Variants in TENM4 observed in about 807,000 individuals in gnomAD.
The protein encoded by TENM4 is teneurin transmembrane protein 4.
A neutral mutation model predicts 243.3 loss-of-function variants in TENM4; 82 were observed. The ratio of observed to expected loss-of-function variants is 0.34; its 90% confidence interval spans 0.28 to 0.40. The LOEUF is 0.40. Among genes scored for constraint, TENM4 ranks in the 10% least tolerant of loss-of-function variants. The pLI, the probability that TENM4 is intolerant of heterozygous loss-of-function variation, is 1.00. For missense variants in TENM4, 3,138 were observed against 3,673.3 expected, an observed-to-expected ratio of 0.85 and a Z score of 3.77; for synonymous variants, 1,412 against 1,456.3, an observed-to-expected ratio of 0.97 and a Z score of 0.69.
intron 6 of TENM4, among the ~76,000 whole-genome samples, chr11:78,967,957 A>G (rs1199192243): frequency 6.6e-6 from 1 of 152,224 alleles, no homozygotes; most frequent in Non-Finnish European, 1.5e-5. Flanking sequence ...TCCAAATCTC[A>G]TGTTGGAATG....
At chr11:78,982,157 G>T (rs1857811770) in intron 6 of TENM4, among the ~76,000 whole-genome samples, 1 of 152,126 alleles carries the variant, frequency 6.6e-6, no homozygotes, top group East Asian at 1.9e-4. Flanking sequence ...TCCCTCCAAG[G>T]AAATGCCACT....
At chr11:79,050,890 T>C (rs1183269006) in intron 6 of TENM4, among the ~76,000 whole-genome samples, 2 of 152,120 alleles carry the variant, frequency 1.3e-5, no homozygotes, top group Non-Finnish European at 2.9e-5. Flanking sequence ...GACTGGAGCC[T>C]TTTCACACTT....
rs59312385 is a variant in TENM4, at chr11:79,063,681, G to A, written c.493+1057C>T. Among the ~76,000 whole-genome samples, 1,495 of 152,302 alleles carry A rather than the reference G, an allele frequency of 9.8e-3. 46 individuals are homozygous for A. In the East Asian group the frequency reaches 0.098, roughly 10 times the overall value. Reference sequence around the variant, plus strand: ...GGCAATAGTCTCCACGCAGGACCACGTTCGACTCAGAGCCCCTCAGAATTC... The same window carrying A: ...GGCAATAGTCTCCACGCAGGACCACATTCGACTCAGAGCCCCTCAGAATTC... On this transcript the variant is annotated intron_variant, in intron 6 of 33. Transcript: ENST00000278550.
At chr11:79,431,750 C>T (rs575125320) in intron 1 of TENM4, among the ~76,000 whole-genome samples, 13 of 152,316 alleles carry the variant, frequency 8.5e-5, no homozygotes, top group South Asian at 4.2e-4. Context: ...ACATTCAGTA[C>T]GTGGCATACC....
intron 6 of TENM4, among the ~76,000 whole-genome samples, chr11:78,946,121 T>C (rs57713140): frequency 0.084 from 12,716 of 152,244 alleles, 971 homozygotes; most frequent in East Asian, 0.22. Context: ...GAAGAAGATG[T>C]CATCTAGGAC....
At chr11:79,420,699 G>T (rs1858913290) in intron 1 of TENM4, among the ~76,000 whole-genome samples, 2 of 151,884 alleles carry the variant, frequency 1.3e-5, no homozygotes, top group Admixed American at 6.6e-5. Flanking sequence ...GTGGGGGATG[G>T]TTATTTGCTC....
intron 3 of TENM4, among the ~76,000 whole-genome samples, chr11:79,155,356 T>C (rs1394869344): frequency 7.3e-6 from 1 of 136,968 alleles, no homozygotes; most frequent in Non-Finnish European, 1.6e-5. Flanking sequence ...TCTCTCTCTC[T>C]TTTTTTTTTT....
At chr11:79,100,531 C>T (rs996738829) in intron 4 of TENM4, among the ~76,000 whole-genome samples, 3 of 152,158 alleles carry the variant, frequency 2.0e-5, no homozygotes, top group Non-Finnish European at 4.4e-5. Context: ...AGGACTGAGG[C>T]CTGCCCTCGA....
chr11:78,841,970 G>A (rs777898639), intron 12 of TENM4, among the ~76,000 whole-genome samples: 26 of 152,200 alleles, frequency 1.7e-4, no homozygotes, highest in Non-Finnish European at 3.1e-4. Flanking sequence ...TCTTCTGAAC[G>A]TTGGGGCTCC....
intron 17 of TENM4, among the ~76,000 whole-genome samples, chr11:78,773,789 C>T (rs911651757): frequency 5.9e-5 from 9 of 152,228 alleles, no homozygotes; most frequent in African/African-American, 1.9e-4. Flanking sequence ...GGTTTAGATG[C>T]TTCAGGACAG....
At chr11:79,194,697 T>C (rs543304335) in intron 3 of TENM4, among the ~76,000 whole-genome samples, 2 of 152,194 alleles carry the variant, frequency 1.3e-5, no homozygotes, top group Non-Finnish European at 2.9e-5. Context: ...ACTTGGGTAC[T>C]GTTAAAGGCA....
At chr11:79,245,938 T>TAAAAAAAAAAA (rs1199883938) in intron 2 of TENM4, among the ~76,000 whole-genome samples, 165 of 64,332 alleles carry the variant, frequency 2.6e-3, no homozygotes, top group Non-Finnish European at 3.2e-3. Context: ...AGACTTTGTC[T>TAAAAAAAAAAA]AAAAAAAAAA....
At chr11:79,232,827 G>T (rs1864396422) in intron 2 of TENM4, among the ~76,000 whole-genome samples, 1 of 152,206 alleles carries the variant, frequency 6.6e-6, no homozygotes, top group South Asian at 2.1e-4. Flanking sequence ...TGGAACCTGG[G>T]CAAAAGCTCA....
chr11:79,418,182 C>T (rs996971357), intron 1 of TENM4, among the ~76,000 whole-genome samples: 6 of 152,096 alleles, frequency 3.9e-5, no homozygotes, highest in South Asian at 2.1e-4. Context: ...CTATTCTAGC[C>T]GCATTTCAAG....
chr11:79,316,261 A>T (rs1033571936), intron 1 of TENM4, among the ~76,000 whole-genome samples: 1 of 152,184 alleles, frequency 6.6e-6, no homozygotes. Flanking sequence ...AGAATGAGAG[A>T]GTGATACTGA....
chr11:79,225,643 AT>A (rs1183261704), intron 2 of TENM4, among the ~76,000 whole-genome samples: 1 of 151,950 alleles, frequency 6.6e-6, no homozygotes, highest in Non-Finnish European at 1.5e-5. Flanking sequence ...CATGCTGGCT[AT>A]TTTTTTGTAG....
chr11:79,330,722 C>T (rs143894055), intron 1 of TENM4, among the ~76,000 whole-genome samples: 25 of 152,298 alleles, frequency 1.6e-4, no homozygotes, highest in Middle Eastern at 6.8e-3. Flanking sequence ...TTTACTATCC[C>T]TCCTGGCAGA....
chr11:79,017,039 C>T (rs1054600548), intron 6 of TENM4, among the ~76,000 whole-genome samples: 1 of 152,228 alleles, frequency 6.6e-6, no homozygotes, highest in African/African-American at 2.4e-5. Flanking sequence ...AGCATGGTTC[C>T]TGGCACAGAG....
intron 3 of TENM4, among the ~76,000 whole-genome samples, chr11:79,178,317 A>G (rs1863209727): frequency 6.6e-6 from 1 of 152,186 alleles, no homozygotes; most frequent in African/African-American, 2.4e-5. Context: ...TTTAGGGCAG[A>G]GGTCCAGACT....
Sources: gnomAD v4.1 joint callset for allele counts (sites outside exome capture counted in the v4.1 genomes callset) on GRCh38, gnomAD v4.1.1 for gene constraint, MANE v1.5 for transcripts, NCBI Gene and HGNC (gene_info 2026-07-23, HGNC 2026-07-21) for gene names.